The following CTDSPL2 variants were observed in gnomAD, a reference collection of about 807,000 sequenced individuals.
CTDSPL2 encodes the protein CTD small phosphatase like 2.
In CTDSPL2, 5 loss-of-function variants were observed where a neutral mutation model predicts 60.0. The ratio of observed to expected loss-of-function variants is 0.08; its 90% CI spans 0.04 to 0.18. CTDSPL2 has a LOEUF of 0.18. Among genes scored for constraint, CTDSPL2 ranks in the 10% least tolerant of loss-of-function variants. The probability of loss-of-function intolerance (pLI) is 1.00; values close to 1 mark genes in which losing one functional copy is unlikely to be tolerated. For missense variants in CTDSPL2, 370 were observed against 548.8 expected (o/e 0.67, Z 3.26); for synonymous variants, 186 against 189.3 (o/e 0.98, Z 0.14).
At chr15:44,476,220 C>G (rs920680064) in intron 2 of CTDSPL2, among the ~76,000 whole-genome samples, 1 of 152,104 alleles carries the variant, frequency 6.6e-6, no homozygotes, top group Non-Finnish European at 1.5e-5. Context: ...AGGCGCCCAC[C>G]ACCACGCTGG....
At chr15:44,515,524 A>G (rs1197704590) in intron 10 of CTDSPL2, among the ~76,000 whole-genome samples, 2 of 152,136 alleles carry the variant, frequency 1.3e-5, no homozygotes, top group African/African-American at 2.4e-5. Context: ...AGGAGGGGTT[A>G]ATCTTTGAAT....
intron 1 of CTDSPL2, among the ~76,000 whole-genome samples, chr15:44,429,006 A>G (rs2079803162): frequency 2.0e-5 from 3 of 152,176 alleles, no homozygotes; most frequent in Admixed American, 6.6e-5. Flanking sequence ...TGTTTTCACT[A>G]ATCAAATTAA....
intron 2 of CTDSPL2, among the ~76,000 whole-genome samples, chr15:44,473,318 T>C (rs1369080530): frequency 6.6e-6 from 1 of 152,040 alleles, no homozygotes; most frequent in Non-Finnish European, 1.5e-5. Flanking sequence ...TTTTTTGAGA[T>C]GTAATCTCGC....
chr15:44,458,695 A>G lies in CTDSPL2; in HGVS notation c.-24-296A>G, dbSNP rs185885816. The stretch of plus-strand genomic sequence containing the variant: ...ACGAATAGTAGTGTTGGCAGGCAGT[A>G]TAGTATTATGTAAAGAGCATGCACA... On this transcript the variant is annotated intron_variant, in intron 1 of 12. Coordinates refer to ENST00000260327, the MANE Select transcript of CTDSPL2 (RefSeq NM_016396.3). Among the ~76,000 whole-genome samples the G allele has an allele frequency of 4.4e-3, 674 of 152,330 alleles. 5 individuals are homozygous for G. Among genetic ancestry groups the G allele is most frequent in the African/African-American group, 0.015 (641 of 41,570 alleles).
intron 1 of CTDSPL2, among the ~76,000 whole-genome samples, chr15:44,449,803 C>G (rs1227938127): frequency 6.6e-6 from 1 of 151,926 alleles, no homozygotes; most frequent in Non-Finnish European, 1.5e-5. Context: ...CCAGCCTGGC[C>G]AACATGGCAA....
chr15:44,429,797 C>T (rs2079820883), intron 1 of CTDSPL2, among the ~76,000 whole-genome samples: 2 of 152,114 alleles, frequency 1.3e-5, no homozygotes, highest in Non-Finnish European at 2.9e-5. Flanking sequence ...ACCCAGGAGG[C>T]GGAGGCTGCA....
intron 1 of CTDSPL2, among the ~76,000 whole-genome samples, chr15:44,439,546 G>C (rs73417552): frequency 0.035 from 5,274 of 151,280 alleles, 295 homozygotes; most frequent in African/African-American, 0.12. Context: ...TTTTTTTTGG[G>C]GGGGGGGGAA....
intron 7 of CTDSPL2, 68 bp from the exon 8 acceptor site, chr15:44,499,659 G>A: frequency 2.2e-6 from 2 of 890,354 alleles, no homozygotes; most frequent in Non-Finnish European, 3.6e-6. Context: ...TGGTGATTAA[G>A]GATAAAAGTA....
intron 10 of CTDSPL2, chr15:44,517,500 AAAAG>A (rs2081678482): frequency 6.6e-6 from 1 of 152,122 alleles, no homozygotes; most frequent in South Asian, 2.1e-4. Flanking sequence ...AAAGAAGAAA[AAAAG>A]AAATTCCTGT....
Position 44,528,248 on chromosome 15 carries a change from T to C in CTDSPL2, c.*4074T>C, listed in dbSNP as rs1231927937. ...TGATCCCGAAACCTGACCATTAGAA[T>C]TACTCTGAGGAGCTTTTAAAATAGA... On this transcript the variant is annotated 3_prime_UTR_variant, in exon 13 of 13. Transcript: ENST00000260327. 1 of 152,118 alleles carries C rather than the reference T, an allele frequency of 6.6e-6. No homozygotes were observed. Among genetic ancestry groups the C allele is most frequent in the African/African-American group, 2.4e-5 (1 of 41,442 alleles). The allele number at this position is 152,118 out of a possible 1,614,324, so 9.4% of individuals were successfully genotyped here.
At chr15:44,499,861 G>T in intron 8 of CTDSPL2, 48 bp downstream of exon 8, 1 of 1,056,818 alleles carries the variant, frequency 9.5e-7, no homozygotes, top group Non-Finnish European at 1.4e-6. Flanking sequence ...GTAACATTCT[G>T]ATAAAAAAAA....
chr15:44,461,981 T>G (rs767999439), intron 2 of CTDSPL2, among the ~76,000 whole-genome samples: 1 of 152,156 alleles, frequency 6.6e-6, no homozygotes, highest in Non-Finnish European at 1.5e-5. Context: ...TCATTCCCAT[T>G]GCCCAGGCTA....
intron 1 of CTDSPL2, among the ~76,000 whole-genome samples, chr15:44,431,305 G>A (rs935028385): frequency 1.3e-5 from 2 of 152,134 alleles, no homozygotes; most frequent in Admixed American, 1.3e-4. Context: ...TGTTAAAACC[G>A]TTTAATTGCA....
chr15:44,488,550 C>T (rs1026313203), intron 4 of CTDSPL2, among the ~76,000 whole-genome samples: 1 of 152,106 alleles, frequency 6.6e-6, no homozygotes, highest in Non-Finnish European at 1.5e-5. Context: ...GGTGGCTCAA[C>T]GCCTGTAATC....
At chr15:44,487,717 A>G (rs2081145333) in intron 4 of CTDSPL2, among the ~76,000 whole-genome samples, 1 of 152,244 alleles carries the variant, frequency 6.6e-6, no homozygotes, top group African/African-American at 2.4e-5. Context: ...AAGTCATATA[A>G]TAGAGCTAAC....
intron 8 of CTDSPL2, among the ~76,000 whole-genome samples, chr15:44,508,174 C>G (rs1356409449): frequency 6.6e-6 from 1 of 151,928 alleles, no homozygotes; most frequent in African/African-American, 2.4e-5. Flanking sequence ...CCTCAACCTC[C>G]TGGGTTCAAG....
At chr15:44,476,538 G>GTTTA (rs2140758486) in intron 2 of CTDSPL2, among the ~76,000 whole-genome samples, 1 of 152,218 alleles carries the variant, frequency 6.6e-6, no homozygotes, top group East Asian at 1.9e-4. Context: ...AGGTAATGAT[G>GTTTA]TTTAGGTCAG....
rs1201820887 is a variant in CTDSPL2, at chr15:44,512,831, G to A, written c.970-1767G>A. On this transcript the variant is annotated intron_variant, in intron 8 of 12. Coordinates refer to ENST00000260327, the MANE Select transcript of CTDSPL2 (RefSeq NM_016396.3). ...GATTAGGCCGGGCGGAGTGGCTCACGCCTGTAATCCCAGCACTTTGGGAGG... is the reference window on the plus strand; with the variant it reads ...GATTAGGCCGGGCGGAGTGGCTCACACCTGTAATCCCAGCACTTTGGGAGG... Among the ~76,000 whole-genome samples the A allele has an allele frequency of 5.3e-5, 8 of 152,212 alleles. No homozygotes were observed. In the East Asian group the frequency reaches 9.6e-4, roughly 18 times the overall value.
chr15:44,487,464 C>T (rs1250512267), intron 4 of CTDSPL2, among the ~76,000 whole-genome samples: 2 of 151,164 alleles, frequency 1.3e-5, no homozygotes, highest in Non-Finnish European at 2.9e-5. Context: ...GTAGGGGGTC[C>T]ACGTAAAAAA....
Sources: gnomAD v4.1 joint callset for allele counts (sites outside exome capture counted in the v4.1 genomes callset) on GRCh38, gnomAD v4.1.1 for gene constraint, MANE v1.5 for transcripts, NCBI Gene and HGNC (gene_info 2026-07-23, HGNC 2026-07-21) for gene names.